The following ADD3 variants were observed in gnomAD, a reference collection of about 807,000 sequenced individuals.
ADD3 encodes gamma-adducin.
In ADD3, 25 loss-of-function variants were observed where a neutral mutation model predicts 80.2. The observed-to-expected ratio is 0.31, with a 90% confidence interval of 0.23 to 0.44. ADD3 has a LOEUF of 0.44. ADD3 is among the 20% of genes least tolerant of loss of function. The pLI, the probability that ADD3 is intolerant of heterozygous loss-of-function variation, is 1.00. For synonymous variants in ADD3, 284 were observed against 289.6 expected (o/e 0.98, Z 0.20); for missense variants, 829 against 847.5 (o/e 0.98, Z 0.27).
At chr10:110,117,261 A>G in intron 4 of ADD3, 81 bp from the exon 5 acceptor site, 2 of 691,924 alleles carry the variant, frequency 2.9e-6, no homozygotes, top group South Asian at 3.9e-5. Flanking sequence ...ACAATTATTC[A>G]TTGTAAATAT....
intron 1 of ADD3, among the ~76,000 whole-genome samples, chr10:110,025,983 G>T (rs2133131645): frequency 6.6e-6 from 1 of 152,162 alleles, no homozygotes; most frequent in African/African-American, 2.4e-5. Context: ...TCCAAAATCT[G>T]TAATGTGTCA....
chr10:110,048,375 A>G (rs1211491200), intron 1 of ADD3, among the ~76,000 whole-genome samples: 1 of 152,232 alleles, frequency 6.6e-6, no homozygotes, highest in African/African-American at 2.4e-5. Flanking sequence ...AAGATGCCCA[A>G]AAATGTGGAA....
At chr10:110,088,401 T>G (rs1159899663) in intron 1 of ADD3, among the ~76,000 whole-genome samples, 1 of 152,224 alleles carries the variant, frequency 6.6e-6, no homozygotes, top group Non-Finnish European at 1.5e-5. Context: ...AACCAATTGC[T>G]AAAGTGGCAG....
rs1221217034 is a variant in ADD3 at position 110,008,198 on chromosome 10, C to CG, written c.-130dup. The CG allele has an allele frequency of 2.0e-5, 3 of 152,336 alleles. No homozygotes were observed. The highest frequency in any genetic ancestry group is 7.2e-5 in the African/African-American group (3 of 41,454). 9.4% of individuals were successfully genotyped at this position (152,336 alleles called of 1,614,324 possible). Reference sequence around the variant, plus strand: ...CGCCCTACCCTCTGGGGCTCTGCGGCGCTTAAGAGGCGGCCGCAGCGGCGG... The same window carrying CG: ...CGCCCTACCCTCTGGGGCTCTGCGGCGGCTTAAGAGGCGGCCGCAGCGGCGG... On this transcript the variant is annotated 5_prime_UTR_variant, in exon 1 of 15. Transcript: ENST00000356080.
At chr10:110,019,567 G>A (rs1853416855) in intron 1 of ADD3, among the ~76,000 whole-genome samples, 2 of 152,106 alleles carry the variant, frequency 1.3e-5, no homozygotes, top group Non-Finnish European at 2.9e-5. Context: ...TGTTAGCTAG[G>A]ATGGTCTCCA....
At chr10:110,079,474 G>T (rs1845808544) in intron 1 of ADD3, among the ~76,000 whole-genome samples, 1 of 144,780 alleles carries the variant, frequency 6.9e-6, no homozygotes, top group African/African-American at 2.8e-5. Flanking sequence ...GTGTGTGTGT[G>T]TGTGTGTGTG....
At chr10:110,063,216 A>G (rs939267717) in intron 1 of ADD3, among the ~76,000 whole-genome samples, 1 of 152,228 alleles carries the variant, frequency 6.6e-6, no homozygotes, top group Admixed American at 6.5e-5. Context: ...TGTTGAATTC[A>G]GACAACAGAA....
At position 110,112,896 on chromosome 10, in the gene ADD3, T is replaced by G; in HGVS notation, c.315T>G (p.Gly105=). ...ADYIMANSFS[G]FSSPPLSLGM... is the part of the protein sequence containing the mutation. ...ACATCATGGCCAATTCTTTCTCGGG[T>G]TTTTCTTCACCTCCTCTCAGTATGT... The change falls in exon 3 of 15, where the codon GGT becomes GGG. Residue 105 remains glycine (G), a synonymous_variant. Coordinates refer to ENST00000356080, the MANE Select transcript of ADD3 (RefSeq NM_016824.5). 6.2e-7 allele frequency: 1 copy of G among 1,613,654 alleles called. No homozygotes were observed. The highest frequency in any genetic ancestry group is 8.5e-7 in the Non-Finnish European group (1 of 1,179,900).
rs141635209 is a variant in ADD3 at position 110,080,116 on chromosome 10, C to T, written c.-29-20509C>T. On this transcript the variant is annotated intron_variant, in intron 1 of 14. Transcript: ENST00000356080. ...TCAGACTAGGGCTCCAAAACTAGGC[C>T]GCACTATCCCAGGCATTCATGGGTC... Among the ~76,000 whole-genome samples the T allele has an allele frequency of 9.7e-4, 148 of 152,226 alleles. 1 individual carries two copies. The highest frequency in any genetic ancestry group is 3.4e-3 in the African/African-American group (141 of 41,508).
chr10:110,079,939 AAGTT>A (rs1845878812), intron 1 of ADD3, among the ~76,000 whole-genome samples: 3 of 152,234 alleles, frequency 2.0e-5, no homozygotes, highest in Middle Eastern at 3.4e-3. Context: ...GATCATTTCC[AAGTT>A]AGTTCCCATC....
intron 8 of ADD3, among the ~76,000 whole-genome samples, chr10:110,120,080 T>TG (rs954994751): frequency 1.3e-5 from 2 of 152,106 alleles, no homozygotes; most frequent in African/African-American, 4.8e-5. Flanking sequence ...TTTTTCTTTT[T>TG]TTTTTAATTA....
At chr10:110,055,652 C>CT (rs893893649) in intron 1 of ADD3, among the ~76,000 whole-genome samples, 5 of 152,094 alleles carry the variant, frequency 3.3e-5, no homozygotes, top group African/African-American at 1.2e-4. Flanking sequence ...GCATCAGAGT[C>CT]TTTGATTCCT....
At chr10:110,062,190 C>A (rs1858983751) in intron 1 of ADD3, among the ~76,000 whole-genome samples, 1 of 93,168 alleles carries the variant, frequency 1.1e-5, no homozygotes, top group East Asian at 3.3e-4. Context: ...TGGAGAAACA[C>A]TGTCTCTACT....
chr10:110,001,354 G>T (rs1294513634), upstream of ADD3, among the ~76,000 whole-genome samples: 1 of 150,728 alleles, frequency 6.6e-6, no homozygotes, highest in South Asian at 2.1e-4. Flanking sequence ...GATTGAAGCT[G>T]TGGTGAGCTG....
upstream of ADD3, among the ~76,000 whole-genome samples, chr10:110,002,116 A>G (rs183329260): frequency 9.3e-4 from 141 of 151,996 alleles, 1 homozygote; most frequent in East Asian, 0.025. Flanking sequence ...ACATGGTGAA[A>G]CCTCGTTTCT....
chr10:110,120,200 A>C (rs1292120383), intron 8 of ADD3, among the ~76,000 whole-genome samples: 1 of 144,944 alleles, frequency 6.9e-6, no homozygotes. Flanking sequence ...CATTAGGTAT[A>C]TCTCCCAATG....
rs576850268 is a variant in ADD3, at chr10:110,009,149, CAT to C, written c.-30+851_-30+852del. On this transcript the variant is annotated intron_variant, in intron 1 of 14. Transcript: ENST00000356080. ...AGGAAAACCACTAATTTCCTTGGCA[CAT>C]GTGCTGTTGCAATTAACCTGGTAGA... Among the ~76,000 whole-genome samples, 388 of 152,182 alleles carry C rather than the reference CAT, an allele frequency of 2.5e-3. 2 individuals are homozygous for C. Among genetic ancestry groups the C allele is most frequent in the Non-Finnish European group, 3.8e-3 (258 of 68,010 alleles).
intron 1 of ADD3, among the ~76,000 whole-genome samples, chr10:110,080,254 T>A (rs1425880035): frequency 6.6e-6 from 1 of 152,192 alleles, no homozygotes; most frequent in Non-Finnish European, 1.5e-5. Context: ...TCACCTGACC[T>A]CCTTGAATCC....
intron 1 of ADD3, among the ~76,000 whole-genome samples, chr10:110,093,311 A>G (rs1847779410): frequency 6.6e-6 from 1 of 152,316 alleles, no homozygotes; most frequent in East Asian, 1.9e-4. Context: ...ATATTAGACC[A>G]ATTTCTATTA....
Sources: gnomAD v4.1 joint callset for allele counts (sites outside exome capture counted in the v4.1 genomes callset) on GRCh38, gnomAD v4.1.1 for gene constraint, MANE v1.5 for transcripts, NCBI Gene and HGNC (gene_info 2026-07-23, HGNC 2026-07-21) for gene names.